OSBPL7: variants seen among roughly 807,000 people sequenced by gnomAD.
OSBPL7 encodes oxysterol binding protein like 7, also known as oxysterol-binding protein-related protein 7.
In OSBPL7, 66 loss-of-function variants were observed where a neutral mutation model predicts 115.8. That is an observed-to-expected ratio of 0.57 (90% CI 0.47 to 0.70). The LOEUF (loss-of-function observed/expected upper bound fraction) is 0.70. OSBPL7 is among the 30% of genes least tolerant of loss of function. The pLI, the probability that OSBPL7 is intolerant of heterozygous loss-of-function variation, is 0.00. For missense variants in OSBPL7, 902 were observed against 1,125.5 expected (o/e 0.80, Z 2.84); for synonymous variants, 441 against 439.2 (o/e 1.00, Z -0.05).
chr17:47,819,033 C>A lies in OSBPL7; in HGVS notation c.322G>T (p.Ala108Ser), dbSNP rs751047025. Residue 108 changes from alanine to serine, a missense_variant, in exon 5 of 23, where the codon GCC becomes TCC. Ala to Ser is a moderately conservative substitution (Grantham distance 99). Coordinates refer to ENST00000007414, the MANE Select transcript of OSBPL7 (RefSeq NM_145798.3). The stretch of plus-strand genomic sequence containing the variant: ...TCAGTGTCAAGGTCAATGCGCTGGG[C>A]CTTTTTGTTGATGGACATGACCGAC... Reference protein sequence around the residue: ...RLSVMSINKKAQRIDLDTEDN... With the variant: ...RLSVMSINKKSQRIDLDTEDN... The A allele has an allele frequency of 6.8e-5, 110 of 1,614,006 alleles. 1 individual carries two copies. The Admixed American group carries it at 7.0e-4, about 10-fold the overall frequency.
chr17:47,820,437 C>G (rs947421484), intron 1 of OSBPL7, 72 bp from the exon 2 acceptor site: 1 of 659,284 alleles, frequency 1.5e-6, no homozygotes, highest in Non-Finnish European at 2.6e-6. Context: ...CCCTCCCACA[C>G]CCTCTGAGAT....
At chr17:47,812,105 C>A (rs2033061633) in intron 16 of OSBPL7, among the ~76,000 whole-genome samples, 1 of 152,200 alleles carries the variant, frequency 6.6e-6, no homozygotes, top group Admixed American at 6.5e-5. Context: ...CTTCTCTCTC[C>A]TCTGTCCCTC....
At chr17:47,821,189 G>A (rs781026078) in intron 1 of OSBPL7, among the ~76,000 whole-genome samples, 3 of 152,196 alleles carry the variant, frequency 2.0e-5, no homozygotes, top group South Asian at 4.1e-4. Context: ...GGCTCCACCG[G>A]GAGATCAATA....
At position 47,816,873 on chromosome 17, in the gene OSBPL7, C is replaced by CT. The variant is rs776991940; in HGVS notation, c.703-2dup. The stretch of plus-strand genomic sequence containing the variant: ...TGGGTCTTTCGGTTGTCACTGAGGC[C>CT]TGGCAAGTCAAGGTGGGGGCAATTT... On this transcript the variant is annotated splice_acceptor_variant, in intron 8 of 22. Transcript: ENST00000007414. LOFTEE classifies it high-confidence loss of function. This position sits in a 1 kb window ranked among gnomAD's most constrained non-coding sequence, Gnocchi z 5.8. 3.7e-6 allele frequency: 6 copies of CT among 1,613,882 alleles called. No homozygotes were observed. The highest frequency in any genetic ancestry group is 5.1e-6 in the Non-Finnish European group (6 of 1,180,012).
chr17:47,808,361 G>A lies in OSBPL7; in HGVS notation c.2459C>T (p.Thr820Ile), dbSNP rs1476495431. 6.2e-7 allele frequency: 1 copy of A among 1,613,924 alleles called. No individual in the cohort carries two copies. The highest frequency in any genetic ancestry group is 1.3e-5 in the African/African-American group (1 of 74,892). Residue 820 changes from threonine (T) to isoleucine (I), a missense_variant, in exon 23 of 23, where the codon ACC becomes ATC. Transcript: ENST00000007414. The surrounding 1 kb of genome is among the most constrained non-coding windows in gnomAD (Gnocchi z 6.1). Reference protein sequence around the residue: ...TDSSGKEWWVTNNTYWRLRAE... With the variant: ...TDSSGKEWWVINNTYWRLRAE... ...CCGCAGCCTCCAGTAGGTATTGTTG[G>A]TCACCCACCACTCTTTCCCGCTGCT...
At chr17:47,815,958 G>A (rs910851849) in intron 12 of OSBPL7, 149 bp downstream of exon 12, 19 of 629,824 alleles carry the variant, frequency 3.0e-5, no homozygotes, top group South Asian at 1.6e-4. Flanking sequence ...TGGGGCTGCC[G>A]CTTACCTTAT....
chr17:47,810,655 T>G lies in OSBPL7; in HGVS notation c.1819A>C (p.Lys607Gln), dbSNP rs1217676811. ...ATCTCCAGGGATTTGCCCCAGAACT[T>G]GTTCTTCCACTTCATATCTGGAATT... ...AFWQDMKWKN[K>Q]FWGKSLEIVP... The change falls in exon 18 of 23, where the codon AAG becomes CAG. Residue 607 changes from lysine (K) to glutamine (Q), a missense_variant. Transcript: ENST00000007414. 1 of 1,614,072 alleles carries G rather than the reference T, an allele frequency of 6.2e-7. No individual in the cohort carries two copies. The highest frequency in any genetic ancestry group is 8.5e-7 in the Non-Finnish European group (1 of 1,180,028).
chr17:47,809,807 T>C (rs1436001369), intron 18 of OSBPL7, among the ~76,000 whole-genome samples: 1 of 152,202 alleles, frequency 6.6e-6, no homozygotes, highest in Non-Finnish European at 1.5e-5. Flanking sequence ...CTCTCTTGGG[T>C]ATTACTTCTT....
chr17:47,818,480 T>A lies in OSBPL7; in HGVS notation c.480+26A>T, dbSNP rs1467744837. 3 of 1,587,770 alleles carry A rather than the reference T, an allele frequency of 1.9e-6. No homozygotes were observed. In the Admixed American group the frequency reaches 5.2e-5, roughly 27 times the overall value. ...CTTGCCCCTGAATTGCCACATTACC[T>A]GCCCCCACCCCAGGGTCCACCTTAC... On this transcript the variant is annotated intron_variant, in intron 6 of 22. Transcript: ENST00000007414.
At chr17:47,814,433 G>A (rs866780300) in intron 14 of OSBPL7, 88 bp downstream of exon 14, 1 of 1,257,012 alleles carries the variant, frequency 8.0e-7, no homozygotes, top group East Asian at 2.3e-5. Flanking sequence ...CACCACAAGG[G>A]ATGGCCTTTG....
chr17:47,811,062 C>G (rs1314167131), intron 16 of OSBPL7, among the ~76,000 whole-genome samples: 1 of 152,120 alleles, frequency 6.6e-6, no homozygotes, highest in African/African-American at 2.4e-5. Context: ...GCTCCCCTGG[C>G]TGGCCCTGTC....
chr17:47,809,911 CTT>C (rs1159738939), intron 18 of OSBPL7, among the ~76,000 whole-genome samples: 29 of 46,676 alleles, frequency 6.2e-4, no homozygotes, highest in South Asian at 1.2e-3. Context: ...CTTTTCTTTT[CTT>C]TTTTTTTTTT....
intron 16 of OSBPL7, among the ~76,000 whole-genome samples, chr17:47,811,589 G>A (rs945748921): frequency 2.0e-5 from 3 of 152,120 alleles, no homozygotes; most frequent in African/African-American, 7.2e-5. Flanking sequence ...CCTGTATCTG[G>A]GGCCTTGACA....
rs776997509 is a variant in OSBPL7 at position 47,809,362 on chromosome 17, G to A, written c.1997C>T (p.Ser666Phe). 7 of 1,614,166 alleles carry A rather than the reference G, an allele frequency of 4.3e-6. No homozygotes were observed. Among genetic ancestry groups the A allele is most frequent in the Non-Finnish European group, 5.9e-6 (7 of 1,180,012 alleles). Residue 666 changes from serine to phenylalanine, a missense_variant, in exon 19 of 23, where the codon TCC becomes TTC. Physicochemically the swap from Ser to Phe is radical, Grantham distance 155. Transcript: ENST00000007414. ...GCAGAAGGTGATCTTGCAGTGGCAG[G>A]AGCTGTCCTGTGTGTTTCGGATGAG... ...EVLIRNTQDS[S>F]CHCKITFCKA...
intron 16 of OSBPL7, among the ~76,000 whole-genome samples, chr17:47,811,705 T>A (rs1322315267): frequency 6.6e-6 from 1 of 152,190 alleles, no homozygotes; most frequent in African/African-American, 2.4e-5. Flanking sequence ...GGGGGGCGAT[T>A]CCTTCTGTCT....
At chr17:47,819,271 A>G (rs8077844) in intron 4 of OSBPL7, 172 bp from the exon 5 acceptor site, 186,098 of 601,990 alleles carry the variant, frequency 0.31, 33,339 homozygotes, top group Non-Finnish European at 0.38. Flanking sequence ...CATGTGCAGA[A>G]CGCTCCCCTA....
At chr17:47,812,762 G>A (rs1430049382) in intron 16 of OSBPL7, among the ~76,000 whole-genome samples, 1 of 152,158 alleles carries the variant, frequency 6.6e-6, no homozygotes, top group Non-Finnish European at 1.5e-5. Context: ...CACCACCCGG[G>A]TGTGCTTTGC....
At chr17:47,815,417 C>T (rs112619147) in intron 12 of OSBPL7, 65 bp from the exon 13 acceptor site, 35,920 of 1,592,716 alleles carry the variant, frequency 0.023, 550 homozygotes, top group Middle Eastern at 0.032. Context: ...GCAGGGCACC[C>T]GCTTGCCTGA....
Position 47,818,992 on chromosome 17 carries a change from G to A in OSBPL7, c.363C>T (p.His121=), listed in dbSNP as rs1567945288. ...IDLDTEDNIY[H]LKIKSQDLFQ... is the part of the protein sequence containing the mutation. Reference sequence around the variant, plus strand: ...TGCCTCCCAGGGATGTCACCTTGAGGTGGTAGATGTTGTCTTCAGTGTCAA... The same window carrying A: ...TGCCTCCCAGGGATGTCACCTTGAGATGGTAGATGTTGTCTTCAGTGTCAA... The change falls in exon 5 of 23, where the codon CAC becomes CAT. Residue 121 remains histidine, a synonymous_variant. Coordinates refer to ENST00000007414, the MANE Select transcript of OSBPL7 (RefSeq NM_145798.3). 1.2e-6 allele frequency: 2 copies of A among 1,613,784 alleles called. No individual in the cohort carries two copies. The highest frequency in any genetic ancestry group is 1.7e-6 in the Non-Finnish European group (2 of 1,179,656).
Sources: gnomAD v4.1 joint callset for allele counts (sites outside exome capture counted in the v4.1 genomes callset) on GRCh38, gnomAD v4.1.1 for gene constraint, Gnocchi (gnomAD v3.1) non-coding constraint, MANE v1.5 for transcripts, NCBI Gene and HGNC (gene_info 2026-07-23, HGNC 2026-07-21) for gene names.